EDC3: variants seen among roughly 807,000 people sequenced by gnomAD.
EDC3 encodes enhancer of mRNA-decapping protein 3.
EDC3 carries 20 observed loss-of-function variants against 41.8 expected under a neutral mutation model. The ratio of observed to expected loss-of-function variants is 0.48; its 90% CI spans 0.34 to 0.70. The LOEUF (loss-of-function observed/expected upper bound fraction) is 0.70, where lower values mean the gene tolerates loss of function less well. Ranked by LOEUF, EDC3 falls within the 30% of genes least tolerant of loss-of-function variation. EDC3 has a pLI of 0.01. For missense variants in EDC3, 444 were observed against 636.8 expected, an observed-to-expected ratio of 0.70 and a Z score of 3.26; for synonymous variants, 206 against 243.2, an observed-to-expected ratio of 0.85 and a Z score of 1.42.
chr15:74,651,044 T>A (rs980702473), intron 4 of EDC3, among the ~76,000 whole-genome samples: 3 of 152,152 alleles, frequency 2.0e-5, no homozygotes, highest in Non-Finnish European at 1.5e-5. Flanking sequence ...AAGAATCTTA[T>A]GAGTGTTGAA....
At chr15:74,685,559 C>T (rs540264151) in intron 1 of EDC3, among the ~76,000 whole-genome samples, 12 of 152,104 alleles carry the variant, frequency 7.9e-5, no homozygotes, top group Non-Finnish European at 1.5e-4. Flanking sequence ...AAATAATAAA[C>T]GTGACAGAAG....
In EDC3 at chr15:74,671,793, C is replaced by T. The variant is rs1376605095; in HGVS notation, c.165-19G>A. The T allele has an allele frequency of 1.9e-6, 3 of 1,607,718 alleles. No individual in the cohort carries two copies. The highest frequency in any genetic ancestry group is 2.7e-5 in the African/African-American group (2 of 74,584). On this transcript the variant is annotated intron_variant, in intron 2 of 6. Coordinates refer to ENST00000315127, the MANE Select transcript of EDC3 (RefSeq NM_025083.5). This position sits in a 1 kb window ranked among gnomAD's most constrained non-coding sequence, Gnocchi z 4.6. ...ACCTGCCCTGAAATACACAAAAAAG[C>T]CAAGTCTCAAAATTATAATAGTGGT...
Position 74,659,457 on chromosome 15 carries a change from A to T in EDC3, c.485-3389T>A, listed in dbSNP as rs561486321. On this transcript the variant is annotated intron_variant, in intron 3 of 6. Transcript: ENST00000315127. ...CCTGGGCAACAAGAGCAAAACTTCG[A>T]CTCAAAAAAATAAATAAATAAAAAA... is the stretch of plus-strand genomic sequence containing the variant. Among the ~76,000 whole-genome samples the T allele has an allele frequency of 5.1e-4, 73 of 143,540 alleles. 1 individual carries two copies. The highest frequency in any genetic ancestry group is 1.8e-3 in the African/African-American group (69 of 38,464). The allele number at this position is 143,540 out of a possible 152,430, so 94.2% of individuals were successfully genotyped here.
chr15:74,639,817 G>T (rs1371399906), intron 5 of EDC3: 1 of 152,122 alleles, frequency 6.6e-6, no homozygotes, highest in Non-Finnish European at 1.5e-5. Flanking sequence ...CCAGAAGGGT[G>T]ACTGGTTTCT....
intron 1 of EDC3, among the ~76,000 whole-genome samples, chr15:74,684,779 C>T (rs914975708): frequency 7.9e-5 from 12 of 151,948 alleles, no homozygotes; most frequent in Admixed American, 7.9e-4. Context: ...GATATATGCT[C>T]GATGTAGAAA....
In EDC3 at chr15:74,659,723, C is replaced by A. The variant is rs114840792; in HGVS notation, c.485-3655G>T. ...CCTGTCTTTATAAAAAAATAAAAAACCACATGAGAACACATCCTGGCTAAA... is the reference window on the plus strand; with the variant it reads ...CCTGTCTTTATAAAAAAATAAAAAAACACATGAGAACACATCCTGGCTAAA... On this transcript the variant is annotated intron_variant, in intron 3 of 6. Coordinates refer to ENST00000315127, the MANE Select transcript of EDC3 (RefSeq NM_025083.5). Among the ~76,000 whole-genome samples, 540 of 151,246 alleles carry A rather than the reference C, an allele frequency of 3.6e-3. 1 individual carries two copies. Among genetic ancestry groups the A allele is most frequent in the African/African-American group, 0.012 (509 of 41,232 alleles).
At chr15:74,647,916 T>C (rs554607260) in intron 4 of EDC3, among the ~76,000 whole-genome samples, 2 of 152,334 alleles carry the variant, frequency 1.3e-5, no homozygotes, top group East Asian at 1.9e-4. Flanking sequence ...TATTTCCTGA[T>C]GTCTCCCAGA....
intron 4 of EDC3, chr15:74,642,920 A>C (rs1198404358): frequency 6.6e-6 from 1 of 152,286 alleles, no homozygotes; most frequent in Admixed American, 6.5e-5. Context: ...TGAGTCTCTT[A>C]CCACCTCCTC....
At chr15:74,647,836 T>C (rs1406926272) in intron 4 of EDC3, among the ~76,000 whole-genome samples, 1 of 152,216 alleles carries the variant, frequency 6.6e-6, no homozygotes, top group Non-Finnish European at 1.5e-5. Context: ...CAGTGAAAAG[T>C]TGTGACACTT....
At chr15:74,677,869 G>T (rs569760378) in intron 1 of EDC3, among the ~76,000 whole-genome samples, 1 of 152,156 alleles carries the variant, frequency 6.6e-6, no homozygotes, top group East Asian at 1.9e-4. Flanking sequence ...GTGAATGGAT[G>T]AATGAACTAT....
intron 1 of EDC3, among the ~76,000 whole-genome samples, chr15:74,689,801 G>A (rs1467192362): frequency 6.6e-6 from 1 of 152,216 alleles, no homozygotes; most frequent in African/African-American, 2.4e-5. Flanking sequence ...TGGGATTACA[G>A]GCGTGAGCCA....
At chr15:74,675,630 C>T (rs1307409378) in intron 1 of EDC3, among the ~76,000 whole-genome samples, 1 of 146,492 alleles carries the variant, frequency 6.8e-6, no homozygotes, top group Non-Finnish European at 1.5e-5. Flanking sequence ...GTTGCCCAGG[C>T]TGGAGTGCAA....
At chr15:74,633,133 G>C (rs2141565942) in intron 6 of EDC3, among the ~76,000 whole-genome samples, 187 bp from the exon 7 acceptor site, 1 of 152,360 alleles carries the variant, frequency 6.6e-6, no homozygotes, top group East Asian at 1.9e-4. Flanking sequence ...TGGCTGGGCT[G>C]AGTGCTAGAG....
chr15:74,666,207 GA>G (rs1421507323), intron 3 of EDC3, among the ~76,000 whole-genome samples: 1 of 152,130 alleles, frequency 6.6e-6, no homozygotes, highest in African/African-American at 2.4e-5. Context: ...TCAATGAGTG[GA>G]AAAATAATTA....
chr15:74,682,617 C>CAA (rs61528385), intron 1 of EDC3, among the ~76,000 whole-genome samples: 46 of 60,406 alleles, frequency 7.6e-4, no homozygotes, highest in East Asian at 2.1e-3. Context: ...GACTCCATCT[C>CAA]AAAAAAAAAA....
At chr15:74,637,567 A>G (rs1315881446) in intron 5 of EDC3, 1 of 152,176 alleles carries the variant, frequency 6.6e-6, no homozygotes, top group Non-Finnish European at 1.5e-5. Flanking sequence ...ATCAAAGAAA[A>G]AGGAAAAACT....
At chr15:74,658,884 G>C (rs1596315094) in intron 3 of EDC3, among the ~76,000 whole-genome samples, 1 of 152,230 alleles carries the variant, frequency 6.6e-6, no homozygotes, top group African/African-American at 2.4e-5. Flanking sequence ...AGGTTGCAGT[G>C]AGCTGAGATG....
At chr15:74,652,225 T>G (rs1334821743) in intron 4 of EDC3, among the ~76,000 whole-genome samples, 9 of 151,648 alleles carry the variant, frequency 5.9e-5, no homozygotes, top group Non-Finnish European at 1.2e-4. Flanking sequence ...TCTTCTTATA[T>G]TTTTCCTTTT....
At chr15:74,675,166 G>C in intron 1 of EDC3, 24 bp from the exon 2 acceptor site, 1 of 1,596,332 alleles carries the variant, frequency 6.3e-7, no homozygotes, top group Non-Finnish European at 8.5e-7. Context: ...GAACTATTCA[G>C]TGTGCCTTGG....
Sources: gnomAD v4.1 joint callset for allele counts (sites outside exome capture counted in the v4.1 genomes callset) on GRCh38, gnomAD v4.1.1 for gene constraint, Gnocchi (gnomAD v3.1) non-coding constraint, MANE v1.5 for transcripts, NCBI Gene and HGNC (gene_info 2026-07-23, HGNC 2026-07-21) for gene names.